LMTK2: variants seen among roughly 807,000 people sequenced by gnomAD.
LMTK2 encodes the protein serine/threonine-protein kinase LMTK2.
Under a neutral mutation model 127.5 loss-of-function variants are expected in LMTK2, and 37 were observed. The observed-to-expected ratio is 0.29, with a 90% CI of 0.22 to 0.38. The LOEUF (loss-of-function observed/expected upper bound fraction) is 0.38. Among genes scored for constraint, LMTK2 ranks in the 10% least tolerant of loss-of-function variants. LMTK2 has a pLI of 1.00. For synonymous variants in LMTK2, 819 were observed against 810.1 expected, an observed-to-expected ratio of 1.01 and a Z score of -0.19; for missense variants, 1,694 against 1,920.3, an observed-to-expected ratio of 0.88 and a Z score of 2.20.
chr7:98,193,844 G>A lies in LMTK2; in HGVS notation c.3379G>A (p.Ala1127Thr), dbSNP rs139774751. The A allele has an allele frequency of 1.5e-5, 25 of 1,613,858 alleles. No homozygotes were observed. Among genetic ancestry groups the A allele is most frequent in the African/African-American group, 4.0e-5 (3 of 74,846 alleles). ...GGAGGTCCCGGGAACCTCCCCATCC[G>A]CCTTGGTGTTGGTACAGGAGCAGCC... is the stretch of plus-strand genomic sequence containing the variant. ...SEEVPGTSPS[A>T]LVLVQEQPLP... The change falls in exon 11 of 14, where the codon GCC becomes ACC. Residue 1127 changes from alanine to threonine, a missense_variant. By Grantham distance (58) the Ala-to-Thr change is moderately conservative (BLOSUM62 0). Transcript: ENST00000297293. This position sits in a 1 kb window ranked among gnomAD's most constrained non-coding sequence, Gnocchi z 4.1.
chr7:98,121,559 G>A (rs1287182507), intron 1 of LMTK2, among the ~76,000 whole-genome samples: 1 of 151,934 alleles, frequency 6.6e-6, no homozygotes, highest in Non-Finnish European at 1.5e-5. Context: ...CTTGAACCCA[G>A]GAGGGTGGAG....
At chr7:98,160,309 A>C (rs1796994499) in intron 6 of LMTK2, among the ~76,000 whole-genome samples, 4 of 152,196 alleles carry the variant, frequency 2.6e-5, no homozygotes, top group Admixed American at 2.6e-4. Flanking sequence ...AAGCATCGTG[A>C]TTTTTTGTTT....
At chr7:98,162,708 CATT>C (rs1762853896) in intron 6 of LMTK2, among the ~76,000 whole-genome samples, 1 of 152,194 alleles carries the variant, frequency 6.6e-6, no homozygotes, top group Non-Finnish European at 1.5e-5. Context: ...TTTAAGCCAT[CATT>C]GTTCCTCAAA....
intron 9 of LMTK2, among the ~76,000 whole-genome samples, chr7:98,189,883 A>G (rs1051452670): frequency 2.6e-5 from 4 of 152,168 alleles, no homozygotes; most frequent in Non-Finnish European, 5.9e-5. Flanking sequence ...AACCCACGAT[A>G]CTGAGGAGTA....
intron 1 of LMTK2, among the ~76,000 whole-genome samples, chr7:98,112,001 C>T (rs1387555814): frequency 1.3e-5 from 2 of 152,198 alleles, no homozygotes; most frequent in Non-Finnish European, 1.5e-5. Flanking sequence ...AAAGCTCTTG[C>T]ATGTGAACAG....
chr7:98,112,445 T>C (rs1796214961), intron 1 of LMTK2, among the ~76,000 whole-genome samples: 1 of 152,252 alleles, frequency 6.6e-6, no homozygotes. Context: ...CAATAGCCAC[T>C]AGCTCCCTGT....
chr7:98,140,266 G>C (rs997565597), intron 2 of LMTK2, among the ~76,000 whole-genome samples: 3 of 151,148 alleles, frequency 2.0e-5, no homozygotes, highest in African/African-American at 7.3e-5. Flanking sequence ...TCAGCCTCCT[G>C]AGTAGCCAGG....
At chr7:98,185,006 TG>T in intron 7 of LMTK2, 44 bp from the exon 8 acceptor site, 1 of 1,388,018 alleles carries the variant, frequency 7.2e-7, no homozygotes, top group Non-Finnish European at 1.0e-6. Flanking sequence ...AGCATGATCC[TG>T]GTTGTTGATT....
chr7:98,131,911 C>T (rs1436643714), intron 1 of LMTK2, among the ~76,000 whole-genome samples: 1 of 152,182 alleles, frequency 6.6e-6, no homozygotes, highest in African/African-American at 2.4e-5. Context: ...AGCTCTACTT[C>T]CTGAACCGAG....
chr7:98,156,833 T>C (rs1796932501), intron 5 of LMTK2, among the ~76,000 whole-genome samples: 1 of 152,208 alleles, frequency 6.6e-6, no homozygotes, highest in Admixed American at 6.5e-5. Context: ...GGCTGAAGGC[T>C]GTCTGCTGGC....
At chr7:98,172,175 T>C (rs1165989935) in intron 7 of LMTK2, among the ~76,000 whole-genome samples, 1 of 152,162 alleles carries the variant, frequency 6.6e-6, no homozygotes, top group Non-Finnish European at 1.5e-5. Context: ...AGAGGTGTCA[T>C]GGGATCCGAT....
chr7:98,134,713 A>G (rs1305745246), intron 1 of LMTK2, among the ~76,000 whole-genome samples: 2 of 152,006 alleles, frequency 1.3e-5, no homozygotes, highest in East Asian at 1.9e-4. Context: ...TCTTGTCTGG[A>G]TGAGTGAACA....
chr7:98,197,287 A>T (rs1162640628), intron 11 of LMTK2, among the ~76,000 whole-genome samples: 1 of 152,242 alleles, frequency 6.6e-6, no homozygotes, highest in African/African-American at 2.4e-5. Context: ...GGCTCAGAGT[A>T]GGTAAACTTT....
At position 98,114,888 on chromosome 7, in the gene LMTK2, C is replaced by T. The variant is rs570371719; in HGVS notation, c.103+7608C>T. Among the ~76,000 whole-genome samples the T allele has an allele frequency of 9.2e-5, 14 of 152,216 alleles. No individual in the cohort carries two copies. In the South Asian group the frequency reaches 2.7e-3, roughly 29 times the overall value. On this transcript the variant is annotated intron_variant, in intron 1 of 13. Coordinates refer to ENST00000297293, the MANE Select transcript of LMTK2 (RefSeq NM_014916.4). ...AAACCTCTTTGCGGACCCACCTTCC[C>T]TACTGAGTTATTGATCCTGGCCCAG...
chr7:98,182,831 A>G (rs28815807), intron 7 of LMTK2, among the ~76,000 whole-genome samples: 9,136 of 152,308 alleles, frequency 0.06, 674 homozygotes, highest in East Asian at 0.36. Flanking sequence ...TATGGAAGAA[A>G]TGTAAACTAA....
chr7:98,157,243 C>A (rs940033328), intron 5 of LMTK2, among the ~76,000 whole-genome samples: 1 of 136,104 alleles, frequency 7.3e-6, no homozygotes, highest in Non-Finnish European at 1.6e-5. Flanking sequence ...CAGAGTGAGA[C>A]CCTGTCTCGG....
rs573914615 is a variant in LMTK2, at chr7:98,149,209, G to T, written c.377-2173G>T. Among the ~76,000 whole-genome samples, 29 of 152,304 alleles carry T rather than the reference G, an allele frequency of 1.9e-4. No homozygotes were observed. In the South Asian group the frequency reaches 5.6e-3, roughly 29 times the overall value. On this transcript the variant is annotated intron_variant, in intron 3 of 13. Transcript: ENST00000297293. ...TAGTTCCTTGGGAATAAGGTCCACT[G>T]TGCTCCCCGTGGACCCTGGTACCCA...
intron 1 of LMTK2, among the ~76,000 whole-genome samples, chr7:98,120,555 C>A (rs1165058597): frequency 6.6e-6 from 1 of 152,192 alleles, no homozygotes; most frequent in Admixed American, 6.5e-5. Context: ...GGTGGCCTCT[C>A]AGATTAGCCA....
At chr7:98,189,564 G>C (rs1157830076) in intron 9 of LMTK2, among the ~76,000 whole-genome samples, 1 of 152,192 alleles carries the variant, frequency 6.6e-6, no homozygotes, top group Non-Finnish European at 1.5e-5. Context: ...CAGTGTGTGT[G>C]TTCACGGCTT....
Sources: allele counts gnomAD v4.1 joint callset (sites outside exome capture counted in the v4.1 genomes callset), GRCh38; gene constraint gnomAD v4.1.1; non-coding constraint Gnocchi (gnomAD v3.1); transcripts MANE v1.5; gene names NCBI Gene and HGNC (gene_info 2026-07-23, HGNC 2026-07-21).